The following PALS2 variants were observed in gnomAD, a reference collection of about 807,000 sequenced individuals.
The protein encoded by PALS2 is protein associated with LIN7 2, MAGUK p55 family member.
PALS2 carries 27 observed loss-of-function variants against 61.6 expected under a neutral mutation model. That is an observed-to-expected ratio of 0.44 (90% CI 0.32 to 0.60). The LOEUF is 0.60. Among genes scored for constraint, PALS2 ranks in the 20% least tolerant of loss-of-function variants. PALS2 has a pLI of 0.05. For missense variants in PALS2, 554 were observed against 639.4 expected, an observed-to-expected ratio of 0.87 and a Z score of 1.44; for synonymous variants, 236 against 218.6, an observed-to-expected ratio of 1.08 and a Z score of -0.70.
intron 1 of PALS2, among the ~76,000 whole-genome samples, chr7:24,599,919 C>A (rs967306691): frequency 6.6e-6 from 1 of 152,088 alleles, no homozygotes; most frequent in African/African-American, 2.4e-5. Flanking sequence ...ATATCAGTGT[C>A]TTCTACCTTC....
At chr7:24,663,931 G>A (rs1786875625) in intron 6 of PALS2, among the ~76,000 whole-genome samples, 1 of 152,178 alleles carries the variant, frequency 6.6e-6, no homozygotes, top group African/African-American at 2.4e-5. Flanking sequence ...TAACCAGCCT[G>A]TGGCACTAAC....
At chr7:24,604,715 A>T (rs1783834732) in intron 1 of PALS2, among the ~76,000 whole-genome samples, 1 of 152,210 alleles carries the variant, frequency 6.6e-6, no homozygotes, top group Non-Finnish European at 1.5e-5. Context: ...TCAGCTTCTG[A>T]TAAGGGCATT....
Position 24,689,033 on chromosome 7 carries a change from C to G in PALS2, c.*1419C>G, listed in dbSNP as rs1034176040. The G allele has an allele frequency of 1.3e-5, 2 of 152,056 alleles. No homozygotes were observed. Among genetic ancestry groups the G allele is most frequent in the African/African-American group, 2.4e-5 (1 of 41,396 alleles). 9.4% of individuals were successfully genotyped at this position (152,056 alleles called of 1,614,324 possible). The stretch of plus-strand genomic sequence containing the variant: ...TTCACCATGTTGGCCAGGGTGGTCT[C>G]GAGCTCCTGACCTCAAGTGATCCAC... On this transcript the variant is annotated 3_prime_UTR_variant, in exon 12 of 12. Coordinates refer to ENST00000222644, the MANE Select transcript of PALS2 (RefSeq NM_001303037.2).
chr7:24,588,308 A>G (rs1203706532), intron 1 of PALS2, among the ~76,000 whole-genome samples: 1 of 152,188 alleles, frequency 6.6e-6, no homozygotes, highest in East Asian at 1.9e-4. Flanking sequence ...TTCTTATCTT[A>G]AGGGTATATC....
intron 9 of PALS2, among the ~76,000 whole-genome samples, chr7:24,674,882 G>A (rs1447578697): frequency 7.9e-5 from 12 of 152,104 alleles, no homozygotes; most frequent in Admixed American, 7.2e-4. Context: ...AACAAATGAA[G>A]TATTACTTTG....
At chr7:24,678,130 G>A (rs1198010235) in intron 9 of PALS2, among the ~76,000 whole-genome samples, 1 of 152,092 alleles carries the variant, frequency 6.6e-6, no homozygotes, top group African/African-American at 2.4e-5. Flanking sequence ...GAAATAACAC[G>A]CTCAAAAATT....
In PALS2 at chr7:24,692,679, C is replaced by T. The variant is rs536299152; in HGVS notation, c.*5065C>T. The T allele has an allele frequency of 6.6e-6, 1 of 152,250 alleles. No individual in the cohort carries two copies. The highest frequency in any genetic ancestry group is 1.9e-4 in the East Asian group (1 of 5,180). 9.4% of individuals were successfully genotyped at this position (152,250 alleles called of 1,614,324 possible). A position where few individuals can be genotyped will look rare whatever the true frequency, so the allele number is the denominator to read the frequency against. ...TTTATCTTATAATCCCATACTAAAT[C>T]CAAACCCTTAGCAAATCCTTGCTGC... is the stretch of plus-strand genomic sequence containing the variant. On this transcript the variant is annotated 3_prime_UTR_variant, in exon 12 of 12. Coordinates refer to ENST00000222644, the MANE Select transcript of PALS2 (RefSeq NM_001303037.2).
chr7:24,607,595 G>GTGTGTATATATACATATA lies in PALS2; in HGVS notation c.-2-16066_-2-16065insATATATACATATATGTGT, dbSNP rs1562611055. Among the ~76,000 whole-genome samples the GTGTGTATATATACATATA allele has an allele frequency of 4.7e-4, 62 of 131,600 alleles. 1 individual carries two copies. Among genetic ancestry groups the GTGTGTATATATACATATA allele is most frequent in the Middle Eastern group, 3.8e-3 (1 of 266 alleles). The allele number at this position is 131,600 out of a possible 152,430, so 86.3% of individuals were successfully genotyped here. ...TATATGTGTGTATATATACATATAT[G>GTGTGTATATATACATATA]TGTGTGTATATATACATATATATGT... On this transcript the variant is annotated intron_variant, in intron 1 of 11. Coordinates refer to ENST00000222644, the MANE Select transcript of PALS2 (RefSeq NM_001303037.2).
intron 2 of PALS2, among the ~76,000 whole-genome samples, chr7:24,638,348 T>TTTTTTTTTTTTTTTTTTTAAG (rs1785349299): frequency 4.0e-5 from 1 of 25,242 alleles, no homozygotes; most frequent in Non-Finnish European, 5.5e-5. Flanking sequence ...TTTTTTTTTT[T>TTTTTTTTTTTTTTTTTTTAAG]GAGACGGAGT....
At chr7:24,609,400 G>A (rs1784035468) in intron 1 of PALS2, among the ~76,000 whole-genome samples, 1 of 152,124 alleles carries the variant, frequency 6.6e-6, no homozygotes, top group African/African-American at 2.4e-5. Context: ...AATTAAGAAG[G>A]AAGAGTACTC....
In PALS2 at chr7:24,640,195, G is replaced by A. The variant is rs573311591; in HGVS notation, c.118-1521G>A. 4.6e-5 allele frequency among the ~76,000 whole-genome samples: 7 copies of A among 150,904 alleles called. No individual in the cohort carries two copies. The South Asian group carries it at 1.3e-3, about 28-fold the overall frequency. ...CTTTTGATATTTTTCTTTTTGTTTA[G>A]TAAGAGTTTTTTCTTCTTTCTCGGT... On this transcript the variant is annotated intron_variant, in intron 2 of 11. Transcript: ENST00000222644.
At chr7:24,650,932 G>C (rs1786115581) in intron 5 of PALS2, among the ~76,000 whole-genome samples, 1 of 152,096 alleles carries the variant, frequency 6.6e-6, no homozygotes, top group African/African-American at 2.4e-5. Context: ...TTAACACCAG[G>C]AACCCTGGCA....
intron 1 of PALS2, among the ~76,000 whole-genome samples, chr7:24,581,439 T>A (rs1287200986): frequency 1.3e-5 from 2 of 152,140 alleles, no homozygotes; most frequent in East Asian, 3.8e-4. Flanking sequence ...AATTAAGACA[T>A]AGATATCTTG....
intron 5 of PALS2, among the ~76,000 whole-genome samples, chr7:24,654,451 A>G (rs527867835): frequency 6.6e-5 from 10 of 152,328 alleles, no homozygotes; most frequent in African/African-American, 2.2e-4. Flanking sequence ...TGAAGACACA[A>G]AACTCAATTG....
chr7:24,658,097 T>G (rs762264333), intron 5 of PALS2, among the ~76,000 whole-genome samples: 2 of 152,198 alleles, frequency 1.3e-5, no homozygotes, highest in Non-Finnish European at 2.9e-5. Context: ...GGTCACTGAT[T>G]AGTTCATTTA....
chr7:24,669,135 A>G lies in PALS2; in HGVS notation c.1114+475A>G, dbSNP rs115833472. Among the ~76,000 whole-genome samples the G allele has an allele frequency of 8.3e-3, 1,260 of 152,314 alleles. 15 individuals are homozygous for G. The highest frequency in any genetic ancestry group is 0.028 in the African/African-American group (1,170 of 41,570). ...TCATAAACCTGATTTTTGATAGCAC[A>G]TAAGAGTGATTCATCTTTTACTGCA... is the stretch of plus-strand genomic sequence containing the variant. On this transcript the variant is annotated intron_variant, in intron 9 of 11. Coordinates refer to ENST00000222644, the MANE Select transcript of PALS2 (RefSeq NM_001303037.2).
chr7:24,601,757 T>C (rs143000791), intron 1 of PALS2, among the ~76,000 whole-genome samples: 520 of 152,256 alleles, frequency 3.4e-3, no homozygotes, highest in African/African-American at 0.012. Context: ...GGTAAAGAAT[T>C]CCTGGGGGAA....
chr7:24,621,283 C>T (rs1784503179), intron 1 of PALS2, among the ~76,000 whole-genome samples: 1 of 151,894 alleles, frequency 6.6e-6, no homozygotes, highest in Non-Finnish European at 1.5e-5. Context: ...ATGAACCTGT[C>T]CAAGTTAACA....
intron 5 of PALS2, among the ~76,000 whole-genome samples, 172 bp downstream of exon 5, chr7:24,650,884 C>A (rs546729290): frequency 6.6e-6 from 1 of 152,212 alleles, no homozygotes; most frequent in Admixed American, 6.5e-5. Flanking sequence ...TTAAACAATG[C>A]TATTTTACTA....
Sources: allele counts gnomAD v4.1 joint callset (sites outside exome capture counted in the v4.1 genomes callset), GRCh38; gene constraint gnomAD v4.1.1; transcripts MANE v1.5; gene names NCBI Gene and HGNC (gene_info 2026-07-23, HGNC 2026-07-21).